The following RSF1 variants were observed in gnomAD, a reference collection of about 807,000 sequenced individuals.
RSF1 encodes the protein HBV pX-associated protein 8.
Under a neutral mutation model 145.2 loss-of-function variants are expected in RSF1, and 13 were observed. The ratio of observed to expected loss-of-function variants is 0.09; its 90% CI spans 0.06 to 0.14. The LOEUF is 0.14. Ranked by LOEUF, RSF1 falls within the 10% of genes least tolerant of loss-of-function variation. RSF1 has a pLI of 1.00. For missense variants in RSF1, 1,517 were observed against 1,718.2 expected (o/e 0.88, Z 2.07); for synonymous variants, 577 against 592.6 (o/e 0.97, Z 0.38).
chr11:77,752,500 A>G (rs1409771485), intron 2 of RSF1, among the ~76,000 whole-genome samples: 1 of 152,056 alleles, frequency 6.6e-6, no homozygotes, highest in Non-Finnish European at 1.5e-5. Flanking sequence ...CTCCCCATCA[A>G]TTCATCTATA....
rs919414441 is a variant in RSF1 at position 77,663,282 on chromosome 11, A to C, written c.*3635T>G. On this transcript the variant is annotated 3_prime_UTR_variant, in exon 16 of 16. Coordinates refer to ENST00000308488, the MANE Select transcript of RSF1 (RefSeq NM_016578.4). ...TCCTTGTGACAAAGGACACCCCACC[A>C]GTCCCACTTAAAAACAGCTAACATT... The C allele has an allele frequency of 8.5e-5, 13 of 152,172 alleles. No homozygotes were observed. Among genetic ancestry groups the C allele is most frequent in the African/African-American group, 3.1e-4 (13 of 41,448 alleles). 9.4% of individuals were successfully genotyped at this position (152,172 alleles called of 1,614,324 possible). A position where few individuals can be genotyped will look rare whatever the true frequency, so the allele number is the denominator to read the frequency against.
intron 1 of RSF1, among the ~76,000 whole-genome samples, chr11:77,805,170 T>C (rs1394819319): frequency 6.6e-6 from 1 of 151,956 alleles, no homozygotes; most frequent in Non-Finnish European, 1.5e-5. Context: ...TTTTTGCAAA[T>C]AAAAATGACA....
intron 1 of RSF1, among the ~76,000 whole-genome samples, chr11:77,811,956 T>C (rs1010457612): frequency 1.3e-5 from 2 of 152,158 alleles, no homozygotes; most frequent in African/African-American, 2.4e-5. Flanking sequence ...GGTGGATTGC[T>C]TGAGCCCAGG....
chr11:77,858,631 C>G, the RSF1 span, among the ~76,000 whole-genome samples: 1 of 152,146 alleles, frequency 6.6e-6, no homozygotes, highest in Non-Finnish European at 1.5e-5. Context: ...TCAGTCCCCC[C>G]TCTCAACAGG....
chr11:77,863,420 C>G, the RSF1 span, among the ~76,000 whole-genome samples: 5 of 152,080 alleles, frequency 3.3e-5, no homozygotes, highest in African/African-American at 1.2e-4. Flanking sequence ...AGTGCAGTTG[C>G]AAGATTTAAG....
At chr11:77,776,253 C>T (rs1468287720) in intron 1 of RSF1, among the ~76,000 whole-genome samples, 2 of 152,124 alleles carry the variant, frequency 1.3e-5, no homozygotes, top group Non-Finnish European at 2.9e-5. Flanking sequence ...AAACCTTCAA[C>T]AGCATATTAG....
At chr11:77,761,483 C>T (rs1035707883) in intron 2 of RSF1, among the ~76,000 whole-genome samples, 1 of 147,372 alleles carries the variant, frequency 6.8e-6, no homozygotes, top group Non-Finnish European at 1.5e-5. Flanking sequence ...AATTGGTTAT[C>T]CCACTAGTTT....
chr11:77,710,263 T>G (rs1183788954), intron 5 of RSF1, among the ~76,000 whole-genome samples: 1 of 152,180 alleles, frequency 6.6e-6, no homozygotes, highest in Non-Finnish European at 1.5e-5. Flanking sequence ...AGTTAACATA[T>G]GTATTACCTC....
intron 11 of RSF1, among the ~76,000 whole-genome samples, chr11:77,681,667 A>T (rs1332587567): frequency 6.6e-6 from 1 of 152,216 alleles, no homozygotes; most frequent in Non-Finnish European, 1.5e-5. Context: ...GAATCTACAA[A>T]ACACACATAC....
At chr11:77,675,552 C>T (rs1959679504) in intron 13 of RSF1, among the ~76,000 whole-genome samples, 1 of 152,176 alleles carries the variant, frequency 6.6e-6, no homozygotes, top group Admixed American at 6.5e-5. Flanking sequence ...TCCCAATCTA[C>T]TTCTCTCTTC....
At chr11:77,703,250 T>C (rs1960466678) in intron 5 of RSF1, 1 of 152,196 alleles carries the variant, frequency 6.6e-6, no homozygotes, top group Admixed American at 6.5e-5. Flanking sequence ...TATCTGTCAA[T>C]TCTTCTTTAT....
the RSF1 span, among the ~76,000 whole-genome samples, chr11:77,827,214 G>A: frequency 6.6e-6 from 1 of 152,034 alleles, no homozygotes; most frequent in Non-Finnish European, 1.5e-5. Flanking sequence ...TCTACCAAAA[G>A]TTGAAATAGG....
intron 2 of RSF1, among the ~76,000 whole-genome samples, chr11:77,759,825 T>C (rs930478048): frequency 6.7e-6 from 1 of 149,646 alleles, no homozygotes; most frequent in African/African-American, 2.5e-5. Context: ...ATGATCCAGG[T>C]TGTGGTGAGA....
chr11:77,701,442 A>G lies in RSF1; in HGVS notation c.1787T>C (p.Leu596Pro). ...ACTCAATCTTTGTGCGTCCTTATCA[A>G]GAAAAGTCTTTTTGGACTTCTCTAA... ...EKLEKSKKTF[L>P]DKDAQRLSPI... The change falls in exon 6 of 16, where the codon CTT becomes CCT. Residue 596 changes from leucine to proline, a missense_variant. By Grantham distance (98) the Leu-to-Pro change is moderately conservative (BLOSUM62 -3). Transcript: ENST00000308488. 1 of 1,614,212 alleles carries G rather than the reference A, an allele frequency of 6.2e-7. No individual in the cohort carries two copies. Among genetic ancestry groups the G allele is most frequent in the Non-Finnish European group, 8.5e-7 (1 of 1,180,040 alleles).
chr11:77,737,884 C>T (rs949650616), intron 4 of RSF1, among the ~76,000 whole-genome samples: 14 of 152,168 alleles, frequency 9.2e-5, no homozygotes, highest in African/African-American at 3.1e-4. Flanking sequence ...AATCCCAGCA[C>T]TTTGGGAGGC....
chr11:77,699,421 G>GAAACTTAAAAA (rs56123703), intron 6 of RSF1, among the ~76,000 whole-genome samples: 1 of 152,210 alleles, frequency 6.6e-6, no homozygotes, highest in Non-Finnish European at 1.5e-5. Context: ...AACAAAAGAA[G>GAAACTTAAAAA]AAAACATTAA....
chr11:77,672,121 G>T lies in RSF1; in HGVS notation c.3672C>A (p.Asp1224Glu), dbSNP rs369187639. Residue 1224 changes from aspartate to glutamate, a missense_variant, in exon 15 of 16, where the codon GAC becomes GAA. Coordinates refer to ENST00000308488, the MANE Select transcript of RSF1 (RefSeq NM_016578.4). ...QINYKEDSES[D>E]GSQKSLRRGK... ...CACGTCGCAAACTCTTCTGGGAACC[G>T]TCACTTTCTGAGTCTTCTTTGTAGT... The T allele has an allele frequency of 6.2e-7, 1 of 1,613,854 alleles. No individual in the cohort carries two copies. Among genetic ancestry groups the T allele is most frequent in the Non-Finnish European group, 8.5e-7 (1 of 1,179,990 alleles).
the RSF1 span, among the ~76,000 whole-genome samples, chr11:77,843,369 T>A: frequency 2.6e-5 from 4 of 152,096 alleles, no homozygotes; most frequent in African/African-American, 9.7e-5. Flanking sequence ...TTGACCCCAC[T>A]CACCTGGGAT....
intron 5 of RSF1, among the ~76,000 whole-genome samples, chr11:77,722,221 C>T (rs1362218331): frequency 6.6e-6 from 1 of 152,084 alleles, no homozygotes; most frequent in Non-Finnish European, 1.5e-5. Context: ...AATGAAATGT[C>T]CTGCTCCTCC....
Sources: allele counts gnomAD v4.1 joint callset (sites outside exome capture counted in the v4.1 genomes callset), GRCh38; gene constraint gnomAD v4.1.1; transcripts MANE v1.5; gene names NCBI Gene and HGNC (gene_info 2026-07-23, HGNC 2026-07-21).